Variants in DEPTOR observed in about 807,000 individuals in gnomAD.
The protein encoded by DEPTOR is DEP domain-containing mTOR-interacting protein.
In DEPTOR, 41 loss-of-function variants were observed where a neutral mutation model predicts 41.6. That is an observed-to-expected ratio of 0.98 (90% CI 0.77 to 1.28). The LOEUF (loss-of-function observed/expected upper bound fraction) is 1.28, where lower values mean the gene tolerates loss of function less well. DEPTOR is among the 50% of genes most tolerant of loss of function. DEPTOR has a pLI of 0.00. For synonymous variants in DEPTOR, 195 were observed against 192.3 expected, an observed-to-expected ratio of 1.01 and a Z score of -0.12; for missense variants, 514 against 527.9, an observed-to-expected ratio of 0.97 and a Z score of 0.26.
In DEPTOR at chr8:119,914,078, C is replaced by A. The variant is rs528327635; in HGVS notation, c.123-14322C>A. The stretch of plus-strand genomic sequence containing the variant: ...TTGTTCTTTTTTTTGAGAAGTCTTG[C>A]TCTGTCACCCAGGCTGGAGTGCAGT... On this transcript the variant is annotated intron_variant, in intron 1 of 8. Transcript: ENST00000286234. Among the ~76,000 whole-genome samples the A allele has an allele frequency of 3.4e-5, 5 of 148,494 alleles. No homozygotes were observed. In the South Asian group the frequency reaches 8.5e-4, roughly 25 times the overall value.
At chr8:119,900,323 CAAAAAAAAAAAAAAGA>C (rs1373105135) in intron 1 of DEPTOR, among the ~76,000 whole-genome samples, 1 of 54,190 alleles carries the variant, frequency 1.8e-5, no homozygotes, top group Admixed American at 3.6e-4. Flanking sequence ...GGCTCCATCT[CAAAAAAAAAAAAAAGA>C]AAAAAAAAAA....
intron 1 of DEPTOR, among the ~76,000 whole-genome samples, chr8:119,905,543 TTGATGTTTC>T (rs1254013221): frequency 1.3e-5 from 2 of 152,174 alleles, no homozygotes; most frequent in Non-Finnish European, 2.9e-5. Flanking sequence ...CTAGTGGTTT[TTGATGTTTC>T]TGATGTTTCT....
chr8:119,937,818 G>A (rs905977304), intron 3 of DEPTOR, among the ~76,000 whole-genome samples: 1 of 152,168 alleles, frequency 6.6e-6, no homozygotes, highest in African/African-American at 2.4e-5. Context: ...ACAGTGAGGG[G>A]CAAGTGATAC....
At chr8:119,886,556 G>A (rs989465023) in intron 1 of DEPTOR, among the ~76,000 whole-genome samples, 6 of 151,674 alleles carry the variant, frequency 4.0e-5, no homozygotes, top group Non-Finnish European at 8.8e-5. Flanking sequence ...GACACATACA[G>A]GAGTCACTCC....
chr8:119,980,737 C>T (rs889100774), intron 4 of DEPTOR, among the ~76,000 whole-genome samples: 4 of 151,910 alleles, frequency 2.6e-5, no homozygotes, highest in South Asian at 2.1e-4. Context: ...AGGCTGGTCT[C>T]GAACTCCTGA....
intron 1 of DEPTOR, among the ~76,000 whole-genome samples, chr8:119,890,367 A>G (rs1350437999): frequency 6.6e-6 from 1 of 152,100 alleles, no homozygotes; most frequent in East Asian, 1.9e-4. Context: ...CAGTGGCACA[A>G]TCTTGGCTCA....
In DEPTOR at chr8:119,879,740, G is replaced by A. The variant is rs143806323; in HGVS notation, c.122+5772G>A. On this transcript the variant is annotated intron_variant, in intron 1 of 8. Transcript: ENST00000286234. ...AAATAAATAATCAAGGGCCGGGCAC[G>A]GGGACTCATGCCTGTAACCAGCACT... 4.6e-5 allele frequency among the ~76,000 whole-genome samples: 7 copies of A among 150,754 alleles called. No individual in the cohort carries two copies. The East Asian group carries it at 1.2e-3, about 26-fold the overall frequency.
At chr8:119,894,412 T>TTTATTTATTTATTTATTTATTTA (rs1554671423) in intron 1 of DEPTOR, among the ~76,000 whole-genome samples, 289 of 148,748 alleles carry the variant, frequency 1.9e-3, no homozygotes, top group Middle Eastern at 3.4e-3. Context: ...TTATTTATTT[T>TTTATTTATTTATTTATTTATTTA]TTGAGACAGA....
chr8:119,993,995 A>G (rs767896105), intron 4 of DEPTOR, among the ~76,000 whole-genome samples: 1 of 152,076 alleles, frequency 6.6e-6, no homozygotes, highest in Non-Finnish European at 1.5e-5. Flanking sequence ...CATCTCTACT[A>G]AAAATACAAA....
At chr8:119,892,571 G>A (rs1336404015) in intron 1 of DEPTOR, among the ~76,000 whole-genome samples, 1 of 152,192 alleles carries the variant, frequency 6.6e-6, no homozygotes, top group Non-Finnish European at 1.5e-5. Flanking sequence ...GTACTGACAA[G>A]GAACTGTGAT....
chr8:119,928,719 C>T lies in DEPTOR; in HGVS notation c.301+141C>T. On this transcript the variant is annotated intron_variant, in intron 2 of 8. Coordinates refer to ENST00000286234, the MANE Select transcript of DEPTOR (RefSeq NM_022783.4). ...CTCCCTGATTGCATTTTCTTCCTGC[C>T]TCTAAGAGGCATTTGGGTTCTTTCT... 3 of 811,664 alleles carry T rather than the reference C, an allele frequency of 3.7e-6. No individual in the cohort carries two copies. The South Asian group carries it at 1.0e-4, about 27-fold the overall frequency. The allele number at this position is 811,664 out of a possible 1,614,324, so 50.3% of individuals were successfully genotyped here.
intron 6 of DEPTOR, among the ~76,000 whole-genome samples, chr8:120,005,163 G>A (rs1812414151): frequency 6.6e-6 from 1 of 152,150 alleles, no homozygotes; most frequent in South Asian, 2.1e-4. Flanking sequence ...AGCCCCCTGA[G>A]GGTTTATGGG....
At chr8:119,978,375 C>T (rs1828723115) in intron 4 of DEPTOR, among the ~76,000 whole-genome samples, 1 of 152,272 alleles carries the variant, frequency 6.6e-6, no homozygotes, top group East Asian at 1.9e-4. Context: ...TCAGGTTTCT[C>T]AGTCTCCTGG....
At chr8:120,026,761 T>C (rs988001876) in intron 8 of DEPTOR, among the ~76,000 whole-genome samples, 1 of 152,196 alleles carries the variant, frequency 6.6e-6, no homozygotes, top group Non-Finnish European at 1.5e-5. Context: ...GTTAAGTAAG[T>C]TGTATGAAAT....
At chr8:119,972,073 C>G (rs1376728444) in intron 4 of DEPTOR, among the ~76,000 whole-genome samples, 1 of 152,122 alleles carries the variant, frequency 6.6e-6, no homozygotes, top group Non-Finnish European at 1.5e-5. Context: ...ATTGGGGCTG[C>G]TATGGTAACT....
chr8:120,047,331 G>T lies in DEPTOR; in HGVS notation c.1102-2245G>T, dbSNP rs568506254. ...GCCACTGCACCCAGCCCAGAGTCTG[G>T]ATTTTTATGCAAAGATTTTCCAAAT... On this transcript the variant is annotated intron_variant, in intron 8 of 8. Coordinates refer to ENST00000286234, the MANE Select transcript of DEPTOR (RefSeq NM_022783.4). Among the ~76,000 whole-genome samples the T allele has an allele frequency of 4.0e-5, 6 of 151,362 alleles. No homozygotes were observed. In the East Asian group the frequency reaches 9.9e-4, roughly 25 times the overall value.
chr8:119,901,427 T>C (rs1586606127), intron 1 of DEPTOR, among the ~76,000 whole-genome samples: 1 of 152,022 alleles, frequency 6.6e-6, no homozygotes, highest in South Asian at 2.1e-4. Context: ...CTGTAATCCC[T>C]GCACTTTGGG....
chr8:119,911,311 CTTTTTT>C (rs147066045), intron 1 of DEPTOR, among the ~76,000 whole-genome samples: 3 of 105,468 alleles, frequency 2.8e-5, no homozygotes, highest in Admixed American at 1.0e-4. Context: ...TACACACATT[CTTTTTT>C]TTTTTTTTTT....
chr8:119,965,471 TACA>T, intron 4 of DEPTOR, 61 bp downstream of exon 4: 2 of 1,568,010 alleles, frequency 1.3e-6, no homozygotes, highest in East Asian at 2.2e-5. Flanking sequence ...TCTTGTGTCT[TACA>T]ACAACACGTA....
Sources: allele counts gnomAD v4.1 joint callset (sites outside exome capture counted in the v4.1 genomes callset), GRCh38; gene constraint gnomAD v4.1.1; transcripts MANE v1.5; gene names NCBI Gene and HGNC (gene_info 2026-07-23, HGNC 2026-07-21).